The following CELSR1 variants were observed in gnomAD, a reference collection of about 807,000 sequenced individuals.
CELSR1 encodes the protein adhesion G protein-coupled receptor C1.
Under a neutral mutation model 249.1 loss-of-function variants are expected in CELSR1, and 110 were observed. The observed-to-expected ratio is 0.44, with a 90% CI of 0.38 to 0.52. CELSR1 has a LOEUF of 0.52. CELSR1 is among the 20% of genes least tolerant of loss of function. CELSR1 has a pLI of 0.00. For missense variants in CELSR1, 4,109 were observed against 4,296.4 expected, an observed-to-expected ratio of 0.96 and a Z score of 1.22; for synonymous variants, 2,113 against 1,900.0, an observed-to-expected ratio of 1.11 and a Z score of -2.92.
intron 1 of CELSR1, among the ~76,000 whole-genome samples, chr22:46,492,489 TG>T (rs2080376666): frequency 1.3e-5 from 2 of 152,180 alleles, no homozygotes; most frequent in Non-Finnish European, 2.9e-5. Flanking sequence ...ACTGGTAGCT[TG>T]TGTTATTCCC....
chr22:46,442,846 T>C lies in CELSR1; in HGVS notation c.4184-3435A>G, dbSNP rs111672502. Among the ~76,000 whole-genome samples, 1,292 of 152,016 alleles carry C rather than the reference T, an allele frequency of 8.5e-3. 18 individuals carry two copies. Among genetic ancestry groups the C allele is most frequent in the African/African-American group, 0.03 (1,231 of 41,460 alleles). ...GTGGCTCACGCCTGTAATCCCAGCA[T>C]TTTGGGAGGCCAAGGCGGGAGGATC... On this transcript the variant is annotated intron_variant, in intron 2 of 34. Coordinates refer to ENST00000674500, the MANE Select transcript of CELSR1 (RefSeq NM_001378328.1).
chr22:46,503,716 A>G (rs2080487513), intron 1 of CELSR1, among the ~76,000 whole-genome samples: 1 of 152,240 alleles, frequency 6.6e-6, no homozygotes. Context: ...ACTAATGAAC[A>G]AGACGGAGAT....
At position 46,429,799 on chromosome 22, in the gene CELSR1, C is replaced by G. The variant is rs73448559; in HGVS notation, c.4611+3594G>C. On this transcript the variant is annotated intron_variant, in intron 5 of 34. Transcript: ENST00000674500. The surrounding 1 kb of genome is among the most constrained non-coding windows in gnomAD (Gnocchi z 4.1). ...CTCTCCTGTGGCTTCTGACCATGAC[C>G]CCTTCTTTCTGGGCTCCAATCTGCC... is the stretch of plus-strand genomic sequence containing the variant. Among the ~76,000 whole-genome samples, 21,829 of 152,214 alleles carry G rather than the reference C, an allele frequency of 0.14. 2,253 individuals are homozygous for G. Among genetic ancestry groups the G allele is most frequent in the African/African-American group, 0.29 (11,954 of 41,500 alleles).
Position 46,488,634 on chromosome 22 carries a change from GCAGTGAC to G in CELSR1, c.3545-24296_3545-24290del, listed in dbSNP as rs2080338829. Among the ~76,000 whole-genome samples the G allele has an allele frequency of 6.6e-6, 1 of 151,144 alleles. No homozygotes were observed. On this transcript the variant is annotated intron_variant, in intron 1 of 34. Transcript: ENST00000674500. The surrounding 1 kb of genome is among the most constrained non-coding windows in gnomAD (Gnocchi z 4.7). ...CAGAAGCAGCAGTTTCTACGGCACA[GCAGTGAC>G]CACTCCCGTGCCACAGCCCTGCCCT...
intron 2 of CELSR1, among the ~76,000 whole-genome samples, chr22:46,461,358 G>A (rs1001838448): frequency 8.5e-5 from 13 of 152,150 alleles, no homozygotes; most frequent in Non-Finnish European, 1.6e-4. Flanking sequence ...TGACTCTCCC[G>A]ATGAAAAGAA....
intron 1 of CELSR1, among the ~76,000 whole-genome samples, chr22:46,480,809 C>A (rs1747512620): frequency 6.6e-6 from 1 of 152,172 alleles, no homozygotes; most frequent in African/African-American, 2.4e-5. Context: ...TATCTCTGAC[C>A]CAATTTAGCA....
At chr22:46,524,644 G>C (rs2080721328) in intron 1 of CELSR1, among the ~76,000 whole-genome samples, 2 of 152,024 alleles carry the variant, frequency 1.3e-5, no homozygotes, top group South Asian at 4.1e-4. Context: ...ACAGGCGCTA[G>C]AGGGATGACC....
chr22:46,373,073 C>A lies in CELSR1; in HGVS notation c.7585-16G>T. 1 of 1,575,576 alleles carries A rather than the reference C, an allele frequency of 6.3e-7. No individual in the cohort carries two copies. The stretch of plus-strand genomic sequence containing the variant: ...TGCACAGAAACTGCGCAGGGAGGGG[C>A]CGCTCAGCAAGGGCCCCTGCATCCC... On this transcript the variant is annotated splice_polypyrimidine_tract_variant and intron_variant, in intron 24 of 34. Coordinates refer to ENST00000674500, the MANE Select transcript of CELSR1 (RefSeq NM_001378328.1).
chr22:46,366,381 C>G lies in CELSR1; in HGVS notation c.8300+5G>C, dbSNP rs925024450. The G allele has an allele frequency of 1.9e-6, 3 of 1,546,052 alleles. No individual in the cohort carries two copies. Among genetic ancestry groups the G allele is most frequent in the African/African-American group, 2.8e-5 (2 of 72,700 alleles). On this transcript the variant is annotated splice_donor_5th_base_variant and intron_variant, in intron 30 of 34. Coordinates refer to ENST00000674500, the MANE Select transcript of CELSR1 (RefSeq NM_001378328.1). Reference sequence around the variant, plus strand: ...ACCTCCCCGAACCCGGAGCTGCGGCCTGACCTGACGATGCTGTCCAGCGAG... The same window carrying G: ...ACCTCCCCGAACCCGGAGCTGCGGCGTGACCTGACGATGCTGTCCAGCGAG...
At chr22:46,469,808 C>T (rs114959229) in intron 1 of CELSR1, among the ~76,000 whole-genome samples, 3,170 of 149,800 alleles carry the variant, frequency 0.021, 106 homozygotes, top group African/African-American at 0.059. Context: ...ACCACCGCAC[C>T]CGGCCTAGGG....
chr22:46,390,369 A>T lies in CELSR1; in HGVS notation c.6345+23T>A. 6.3e-7 allele frequency: 1 copy of T among 1,586,484 alleles called. No individual in the cohort carries two copies. Among genetic ancestry groups the T allele is most frequent in the Non-Finnish European group, 8.6e-7 (1 of 1,159,614 alleles). ...GAACACACACGTGCCCCTGCTGAACACACATCCCCGAGGCGCCCCTACCAT... is the reference window on the plus strand; with the variant it reads ...GAACACACACGTGCCCCTGCTGAACTCACATCCCCGAGGCGCCCCTACCAT... On this transcript the variant is annotated intron_variant, in intron 17 of 34. Coordinates refer to ENST00000674500, the MANE Select transcript of CELSR1 (RefSeq NM_001378328.1). This position sits in a 1 kb window ranked among gnomAD's most constrained non-coding sequence, Gnocchi z 6.3.
rs1344864078 is a variant in CELSR1, at chr22:46,437,890, G to A, written c.4406+1299C>T. Reference sequence around the variant, plus strand: ...TGCTTGGGCAGGGAATGAGCAGGGAGAAGGGATCTTAATGACGACGGGACC... The same window carrying A: ...TGCTTGGGCAGGGAATGAGCAGGGAAAAGGGATCTTAATGACGACGGGACC... On this transcript the variant is annotated intron_variant, in intron 3 of 34. Transcript: ENST00000674500. The surrounding 1 kb of genome is among the most constrained non-coding windows in gnomAD (Gnocchi z 4.9). Among the ~76,000 whole-genome samples the A allele has an allele frequency of 6.6e-6, 1 of 152,220 alleles. No individual in the cohort carries two copies. The highest frequency in any genetic ancestry group is 1.5e-5 in the Non-Finnish European group (1 of 68,044).
intron 25 of CELSR1, among the ~76,000 whole-genome samples, chr22:46,370,872 C>T (rs1049786064): frequency 6.6e-6 from 1 of 152,184 alleles, no homozygotes; most frequent in Non-Finnish European, 1.5e-5. Flanking sequence ...ACAAGACAGA[C>T]CTAAGTGTTA....
intron 25 of CELSR1, 21 bp downstream of exon 25, chr22:46,372,862 G>C (rs760737194): frequency 6.3e-7 from 1 of 1,587,380 alleles, no homozygotes; most frequent in African/African-American, 1.3e-5. Context: ...TTTTATGCAG[G>C]GCCACTCTGT....
chr22:46,416,630 AGCCACCTGAGAAAAAACCTACAGT>A (rs2079405115), intron 5 of CELSR1, among the ~76,000 whole-genome samples: 1 of 152,218 alleles, frequency 6.6e-6, no homozygotes, highest in African/African-American at 2.4e-5. Flanking sequence ...TCACTCCTGC[AGCCACCTGAGAAAAAACCTACAGT>A]GCCGCTGAGC....
intron 1 of CELSR1, among the ~76,000 whole-genome samples, chr22:46,476,445 A>T (rs190535389): frequency 5.3e-5 from 8 of 152,062 alleles, no homozygotes; most frequent in Admixed American, 2.0e-4. Flanking sequence ...AAATATAAAA[A>T]ATTAGCCAGG....
chr22:46,506,968 G>A lies in CELSR1; in HGVS notation c.3544+26659C>T, dbSNP rs575067948. 5.3e-5 allele frequency among the ~76,000 whole-genome samples: 8 copies of A among 152,230 alleles called. No homozygotes were observed. Among genetic ancestry groups the A allele is most frequent in the East Asian group, 1.9e-4 (1 of 5,174 alleles). On this transcript the variant is annotated intron_variant, in intron 1 of 34. Coordinates refer to ENST00000674500, the MANE Select transcript of CELSR1 (RefSeq NM_001378328.1). This position sits in a 1 kb window ranked among gnomAD's most constrained non-coding sequence, Gnocchi z 4.1. ...TCCCAGCACTTTGGGAGGCCGAGGC[G>A]GGTGGATCACCTGAGGTCAGGAGCC...
Position 46,437,221 on chromosome 22 carries a change from C to T in CELSR1, c.4407-932G>A, listed in dbSNP as rs533480390. Among the ~76,000 whole-genome samples the T allele has an allele frequency of 9.2e-5, 14 of 152,296 alleles. No homozygotes were observed. The East Asian group carries it at 9.6e-4, about 10-fold the overall frequency. ...AAATCCTTCTCCCACCCAGGGGCCC[C>T]GGGCAGGGGGTCTTCAGACCCAAAT... On this transcript the variant is annotated intron_variant, in intron 3 of 34. Transcript: ENST00000674500. This position sits in a 1 kb window ranked among gnomAD's most constrained non-coding sequence, Gnocchi z 4.9.
At chr22:46,382,675 G>A (rs2078991619) in intron 20 of CELSR1, among the ~76,000 whole-genome samples, 1 of 152,166 alleles carries the variant, frequency 6.6e-6, no homozygotes, top group Non-Finnish European at 1.5e-5. Flanking sequence ...GAGTGGATAA[G>A]CAACACGCGC....
Sources: allele counts gnomAD v4.1 joint callset (sites outside exome capture counted in the v4.1 genomes callset), GRCh38; gene constraint gnomAD v4.1.1; non-coding constraint Gnocchi (gnomAD v3.1); transcripts MANE v1.5; gene names NCBI Gene and HGNC (gene_info 2026-07-23, HGNC 2026-07-21).